Variants in BST1 observed in about 807,000 individuals in gnomAD.
BST1 encodes the protein bone marrow stromal cell antigen 1, also known as ADP-ribosyl cyclase/cyclic ADP-ribose hydrolase 2.
In BST1, 49 loss-of-function variants were observed where a neutral mutation model predicts 40.6. The ratio of observed to expected loss-of-function variants is 1.21; its 90% confidence interval spans 0.96 to 1.53. The LOEUF (loss-of-function observed/expected upper bound fraction) is 1.53. Among genes scored for constraint, BST1 ranks in the 40% most tolerant of loss-of-function variants. The pLI, the probability that BST1 is intolerant of heterozygous loss-of-function variation, is 0.00. For missense variants in BST1, 423 were observed against 395.9 expected, an observed-to-expected ratio of 1.07 and a Z score of -0.58; for synonymous variants, 157 against 159.3, an observed-to-expected ratio of 0.99 and a Z score of 0.11.
Position 15,715,343 on chromosome 4 carries a change from G to A in BST1, c.593G>A (p.Gly198Glu). 2 of 1,614,112 alleles carry A rather than the reference G, an allele frequency of 1.2e-6. No homozygotes were observed. Among genetic ancestry groups the A allele is most frequent in the Non-Finnish European group, 8.5e-7 (1 of 1,179,986 alleles). Residue 198 changes from glycine to glutamate, a missense_variant, in exon 5 of 9, where the codon GGA (glycine) becomes GAA (glutamate). Physicochemically the swap from Gly to Glu is moderately conservative, Grantham distance 98 (BLOSUM62 -2). Transcript: ENST00000265016. ...HVMLNGSEPT[G>E]AYPIKGFFAD... is the part of the protein sequence containing the mutation. The stretch of plus-strand genomic sequence containing the variant: ...ATGCTGAATGGTTCAGAGCCAACAG[G>A]AGCCTATCCCATCAAAGGGTAAGAA...
intron 7 of BST1, among the ~76,000 whole-genome samples, chr4:15,722,592 ATTTTTTTTTTTT>A (rs1012036868): frequency 8.3e-6 from 1 of 120,304 alleles, no homozygotes; most frequent in Admixed American, 8.6e-5. Flanking sequence ...TAATTTTTAG[ATTTTTTTTTTTT>A]TTTTTTTTTG....
chr4:15,760,415 G>A, the BST1 span, among the ~76,000 whole-genome samples: 1 of 151,698 alleles, frequency 6.6e-6, no homozygotes, highest in African/African-American at 2.4e-5. Flanking sequence ...GTGAACATAT[G>A]TTTTCATATC....
At chr4:15,743,952 G>C in the BST1 span, among the ~76,000 whole-genome samples, 2 of 152,198 alleles carry the variant, frequency 1.3e-5, no homozygotes, top group African/African-American at 4.8e-5. Flanking sequence ...GGAATGGAGG[G>C]TGAGAGAGGC....
At chr4:15,737,699 C>A, downstream of BST1, 2 of 938,442 alleles carry the variant, frequency 2.1e-6, no homozygotes, top group Non-Finnish European at 3.0e-6. Context: ...CTTTCCTCTC[C>A]TGTCGTAGGT....
the BST1 span, among the ~76,000 whole-genome samples, chr4:15,754,149 T>G: frequency 6.6e-6 from 1 of 152,136 alleles, no homozygotes; most frequent in Non-Finnish European, 1.5e-5. Context: ...AAAACCACGA[T>G]GGAGGCCTGT....
chr4:15,763,300 G>C, the BST1 span, among the ~76,000 whole-genome samples: 1 of 151,680 alleles, frequency 6.6e-6, no homozygotes, highest in Non-Finnish European at 1.5e-5. Context: ...AATATTTAAA[G>C]ATAAGGCAAA....
chr4:15,714,800 T>A (rs186679981), intron 4 of BST1, among the ~76,000 whole-genome samples: 4 of 152,290 alleles, frequency 2.6e-5, no homozygotes, highest in African/African-American at 9.6e-5. Flanking sequence ...AGTGTGACTT[T>A]TGGGTGGAAG....
chr4:15,707,378 A>T (rs986102518), intron 2 of BST1, 133 bp from the exon 3 acceptor site: 1 of 979,002 alleles, frequency 1.0e-6, no homozygotes, highest in Non-Finnish European at 1.6e-6. Context: ...AACGAAAAAG[A>T]ACGTTCAGTT....
chr4:15,715,753 A>G lies in BST1; in HGVS notation c.658A>G (p.Thr220Ala), dbSNP rs1203985403. 1 of 1,602,192 alleles carries G rather than the reference A, an allele frequency of 6.2e-7. No homozygotes were observed. The part of the protein sequence containing the change: ...EIPNLQKEKI[T>A]RIEIWVMHEI... ...TCCAAACCTCCAGAAGGAAAAAATT[A>G]CACGAATCGAGATCTGGGTTATGCA... The change falls in exon 6 of 9, where the codon ACA (threonine) becomes GCA (alanine). Residue 220 changes from threonine (T) to alanine (A), a missense_variant. Thr to Ala is a moderately conservative substitution (Grantham distance 58). Transcript: ENST00000265016.
the BST1 span, among the ~76,000 whole-genome samples, chr4:15,766,959 C>T: frequency 1.3e-5 from 2 of 151,810 alleles, no homozygotes; most frequent in Admixed American, 6.6e-5. Context: ...GTGCCCATGT[C>T]CCACTGCCGT....
chr4:15,734,637 G>T (rs754594865), downstream of BST1, among the ~76,000 whole-genome samples: 13 of 152,104 alleles, frequency 8.5e-5, no homozygotes, highest in Non-Finnish European at 1.6e-4. Flanking sequence ...ATGGATGAAG[G>T]GTCTGGCATC....
rs778121703 is a variant in BST1, at chr4:15,705,521, G to T, written c.195G>T (p.Lys65Asn). 1 of 1,582,554 alleles carries T rather than the reference G, an allele frequency of 6.3e-7. No homozygotes were observed. The highest frequency in any genetic ancestry group is 2.2e-5 in the East Asian group (1 of 44,664). The change falls in exon 2 of 9, where the codon AAG becomes AAT. Residue 65 changes from lysine (K) to asparagine (N), a missense_variant. Physicochemically the swap from Lys to Asn is moderately conservative, Grantham distance 94. Coordinates refer to ENST00000265016, the MANE Select transcript of BST1 (RefSeq NM_004334.3). ...RALLSPEQRNKNCTAIWEAFK... is the reference protein window; with the variant it reads ...RALLSPEQRNNNCTAIWEAFK... ...AACTTGTACTTTTGCACAGGAACAA[G>T]AACTGCACAGCCATCTGGGAAGCCT...
chr4:15,727,248 C>T (rs1294218983), intron 8 of BST1, among the ~76,000 whole-genome samples: 1 of 152,204 alleles, frequency 6.6e-6, no homozygotes, highest in East Asian at 1.9e-4. Context: ...GTCTCTGGGT[C>T]TCACACCACA....
At chr4:15,704,294 T>C (rs982560651) in intron 1 of BST1, among the ~76,000 whole-genome samples, 6 of 144,354 alleles carry the variant, frequency 4.2e-5, no homozygotes, top group African/African-American at 1.6e-4. Context: ...GTGTGTGTGT[T>C]CTGGAGTTGA....
chr4:15,719,491 C>T (rs1720691332), intron 7 of BST1, among the ~76,000 whole-genome samples: 1 of 152,130 alleles, frequency 6.6e-6, no homozygotes, highest in African/African-American at 2.4e-5. Context: ...CATTTGTGGG[C>T]CTTGTTGCTT....
intron 1 of BST1, among the ~76,000 whole-genome samples, chr4:15,703,649 C>T (rs571014602): frequency 9.1e-4 from 65 of 71,600 alleles, no homozygotes; most frequent in South Asian, 4.1e-3. Context: ...TGTGTGCGCG[C>T]GCTCTAGAGG....
In BST1 at chr4:15,703,211, T is replaced by C. The variant is rs2148873340; in HGVS notation, c.67T>C (p.Leu23=). Residue 23 remains leucine, a synonymous_variant, in exon 1 of 9, where the codon TTG becomes CTG. Transcript: ENST00000265016. ...QLLLQLLLLL[L]LLAAGGARAR... ...GCTGCTGCAGCTTCTGCTTCTACTG[T>C]TGCTGCTGGCGGCGGGCGGGGCGCG... 10 of 1,552,574 alleles carry C rather than the reference T, an allele frequency of 6.4e-6. No individual in the cohort carries two copies. Among genetic ancestry groups the C allele is most frequent in the Non-Finnish European group, 8.7e-6 (10 of 1,149,568 alleles).
At chr4:15,719,777 T>C (rs1443749237) in intron 7 of BST1, among the ~76,000 whole-genome samples, 1 of 152,194 alleles carries the variant, frequency 6.6e-6, no homozygotes, top group Non-Finnish European at 1.5e-5. Context: ...AGCAGCCCCA[T>C]GGGCTGGATC....
chr4:15,727,873 A>G (rs1157925177), intron 8 of BST1, among the ~76,000 whole-genome samples: 3 of 151,882 alleles, frequency 2.0e-5, no homozygotes, highest in African/African-American at 7.3e-5. Flanking sequence ...ATCCACTGAC[A>G]AGTAAACAGT....
Sources: allele counts gnomAD v4.1 joint callset (sites outside exome capture counted in the v4.1 genomes callset), GRCh38; gene constraint gnomAD v4.1.1; transcripts MANE v1.5; gene names NCBI Gene and HGNC (gene_info 2026-07-23, HGNC 2026-07-21).